The following DMBT1 variants were observed in gnomAD, a reference collection of about 807,000 sequenced individuals.
The protein encoded by DMBT1 is deleted in malignant brain tumors 1.
DMBT1 carries 198 observed loss-of-function variants against 252.9 expected under a neutral mutation model. The observed-to-expected ratio is 0.78, with a 90% CI of 0.70 to 0.88. The LOEUF is 0.88. DMBT1 is among the 40% of genes least tolerant of loss of function. The pLI is 0.00. For missense variants in DMBT1, 2,432 were observed against 2,404.7 expected (o/e 1.01, Z -0.24); for synonymous variants, 990 against 942.7 (o/e 1.05, Z -0.92).
chr10:122,586,373 C>T lies in DMBT1; in HGVS notation c.1773C>T (p.Val591=). ...GTGGCCATAGTGAAGACGCTGGTGT[C>T]ATCTGCTCAGGTGGGCCTCCAAGAC... The part of the protein sequence containing the change: ...HNCGHSEDAG[V]ICSGPESSLA... The change falls in exon 16 of 56, where the codon GTC becomes GTT. Residue 591 remains valine (V), a synonymous_variant. Coordinates refer to ENST00000338354, the MANE Select transcript of DMBT1 (RefSeq NM_001377530.1). 6.3e-7 allele frequency: 1 copy of T among 1,588,586 alleles called. No individual in the cohort carries two copies. Among genetic ancestry groups the T allele is most frequent in the African/African-American group, 1.3e-5 (1 of 74,656 alleles).
intron 16 of DMBT1, 116 bp downstream of exon 16, chr10:122,586,499 C>T (rs906793463): frequency 8.3e-6 from 12 of 1,439,402 alleles, no homozygotes; most frequent in Non-Finnish European, 1.1e-5. Flanking sequence ...ATTTCTGATA[C>T]CTCCTTAGCT....
At chr10:122,568,181 GCCCTTATT>G (rs2097618523) in intron 2 of DMBT1, among the ~76,000 whole-genome samples, 1 of 152,106 alleles carries the variant, frequency 6.6e-6, no homozygotes, top group Admixed American at 6.5e-5. Context: ...CGAATATGAT[GCCCTTATT>G]CCCAGCATGG....
rs2097858870 is a variant in DMBT1 at position 122,592,662 on chromosome 10, A to G, written c.2500+67A>G. 24 of 1,578,178 alleles carry G rather than the reference A, an allele frequency of 1.5e-5. 2 individuals carry two copies. The Middle Eastern group carries it at 1.7e-3, about 110-fold the overall frequency. On this transcript the variant is annotated intron_variant, in intron 20 of 55. Coordinates refer to ENST00000338354, the MANE Select transcript of DMBT1 (RefSeq NM_001377530.1). ...TTTGCTCAGGAAGAAAATCCTAATT[A>G]CATTCTGATCTCCTCACTCAAAGAT...
At chr10:122,634,430 TTCTCTCTCTCTCTCTCTCTCTC>T (rs764559052) in intron 52 of DMBT1, among the ~76,000 whole-genome samples, 929 of 74,122 alleles carry the variant, frequency 0.013, 57 homozygotes, top group African/African-American at 0.039. Context: ...TCTCTCTCTC[TTCTCTCTCTCTCTCTCTCTCTC>T]TCTCTCTCTC....
intron 4 of DMBT1, among the ~76,000 whole-genome samples, chr10:122,571,405 T>C (rs2981796): frequency 0.69 from 104,546 of 152,024 alleles, 36,154 homozygotes; most frequent in East Asian, 0.77. Flanking sequence ...GTGGCAGTTT[T>C]TCCTTTTTTA....
intron 16 of DMBT1, among the ~76,000 whole-genome samples, chr10:122,588,302 G>A (rs2097810675): frequency 6.8e-6 from 1 of 147,876 alleles, no homozygotes; most frequent in East Asian, 2.1e-4. Context: ...GGAAGTTGGA[G>A]TCTCTGGGGA....
intron 7 of DMBT1, 150 bp downstream of exon 7, chr10:122,576,872 G>T: frequency 1.0e-6 from 1 of 986,332 alleles, no homozygotes. Context: ...ATTAAAAAAA[G>T]AAAATCACTT....
At position 122,631,096 on chromosome 10, in the gene DMBT1, G is replaced by A; in HGVS notation, c.6161G>A (p.Arg2054Lys). The change falls in exon 49 of 56, where the codon AGA (arginine) becomes AAA (lysine). Residue 2054 changes from arginine to lysine, a missense_variant. By Grantham distance (26) the Arg-to-Lys change is conservative. Coordinates refer to ENST00000338354, the MANE Select transcript of DMBT1 (RefSeq NM_001377530.1). ...WTIQEAEVVC[R>K]QLGCGRAVSA... ...ATTCAGGAAGCTGAGGTGGTCTGCA[G>A]ACAGCTAGGGTGTGGACGTGCAGTT... 6.2e-7 allele frequency: 1 copy of A among 1,614,012 alleles called. No individual in the cohort carries two copies. The highest frequency in any genetic ancestry group is 8.5e-7 in the Non-Finnish European group (1 of 1,179,892).
chr10:122,579,439 C>G, intron 9 of DMBT1, 139 bp from the exon 10 acceptor site: 18 of 1,533,580 alleles, frequency 1.2e-5, no homozygotes, highest in Non-Finnish European at 1.6e-5. Flanking sequence ...GGTGATGAAG[C>G]CTAGTCTGTG....
At chr10:122,573,441 T>C (rs1446443139) in intron 5 of DMBT1, among the ~76,000 whole-genome samples, 1 of 152,028 alleles carries the variant, frequency 6.6e-6, no homozygotes, top group African/African-American at 2.4e-5. Flanking sequence ...TAGCATGGGG[T>C]TGTGAATGGA....
chr10:122,626,387 A>G (rs966599668), intron 46 of DMBT1, among the ~76,000 whole-genome samples: 4 of 152,194 alleles, frequency 2.6e-5, no homozygotes, highest in African/African-American at 9.7e-5. Flanking sequence ...TATTATACAG[A>G]TATGCCATGA....
At position 122,631,287 on chromosome 10, in the gene DMBT1, G is replaced by C. The variant is rs1375507697; in HGVS notation, c.6346+6G>C. On this transcript the variant is annotated splice_donor_region_variant and intron_variant, in intron 49 of 55. Transcript: ENST00000338354. Reference sequence around the variant, plus strand: ...TGCTGGTGTCATCTGCTCAGGTATGGCCCAATGCCATGGAAGGCCCATTTC... The same window carrying C: ...TGCTGGTGTCATCTGCTCAGGTATGCCCCAATGCCATGGAAGGCCCATTTC... 2 of 1,609,736 alleles carry C rather than the reference G, an allele frequency of 1.2e-6. No homozygotes were observed. The highest frequency in any genetic ancestry group is 3.3e-5 in the Admixed American group (2 of 59,950).
rs2098233849 is a variant in DMBT1 at position 122,637,195 on chromosome 10, T to C, written c.6825T>C (p.Phe2275=). 1 of 1,613,922 alleles carries C rather than the reference T, an allele frequency of 6.2e-7. No individual in the cohort carries two copies. The highest frequency in any genetic ancestry group is 8.5e-7 in the Non-Finnish European group (1 of 1,179,914). Residue 2275 remains phenylalanine (F), a synonymous_variant, in exon 54 of 56, where the codon TTT becomes TTC. Coordinates refer to ENST00000338354, the MANE Select transcript of DMBT1 (RefSeq NM_001377530.1). ...VSRSYLQSLG[F]SASDLVISTW... is the part of the protein sequence containing the mutation. The stretch of plus-strand genomic sequence containing the variant: ...GGAGCTATCTCCAATCCTTGGGCTT[T>C]TCTGCCAGTGACCTTGTCATTTCCA...
At chr10:122,618,767 C>T (rs2098028889) in intron 41 of DMBT1, among the ~76,000 whole-genome samples, 1 of 152,220 alleles carries the variant, frequency 6.6e-6, no homozygotes, top group African/African-American at 2.4e-5. Context: ...AGCTGAGACC[C>T]AGTGAGGAGG....
rs778254589 is a variant in DMBT1 at position 122,588,251 on chromosome 10, T to C, written c.1784-693T>C. On this transcript the variant is annotated intron_variant, in intron 16 of 55. Coordinates refer to ENST00000338354, the MANE Select transcript of DMBT1 (RefSeq NM_001377530.1). ...GAAAATGAGAGGATGAGGGTCAGGG[T>C]GGGTCCCTGTCTTTTTCATATCCCT... Among the ~76,000 whole-genome samples, 40 of 148,068 alleles carry C rather than the reference T, an allele frequency of 2.7e-4. 1 individual carries two copies. The highest frequency in any genetic ancestry group is 1.9e-3 in the Admixed American group (29 of 14,904).
intron 2 of DMBT1, among the ~76,000 whole-genome samples, chr10:122,567,795 A>G (rs537790973): frequency 1.7e-3 from 257 of 152,266 alleles, no homozygotes; most frequent in Non-Finnish European, 2.5e-3. Context: ...CCCTCCCAGG[A>G]GAGGAGGCTG....
chr10:122,592,615 G>C lies in DMBT1; in HGVS notation c.2500+20G>C. The C allele has an allele frequency of 6.3e-7, 1 of 1,588,128 alleles. No individual in the cohort carries two copies. Among genetic ancestry groups the C allele is most frequent in the African/African-American group, 1.3e-5 (1 of 74,638 alleles). ...GCTCAGGTGGGCCTCCAAGACCTTG[G>C]GCTCCCTCTCCTAGACTGGAGTTTG... On this transcript the variant is annotated intron_variant, in intron 20 of 55. Coordinates refer to ENST00000338354, the MANE Select transcript of DMBT1 (RefSeq NM_001377530.1).
rs2097735763 is a variant in DMBT1 at position 122,578,744 on chromosome 10, C to T, written c.664C>T (p.Pro222Ser). 7.5e-6 allele frequency: 12 copies of T among 1,608,806 alleles called. No homozygotes were observed. Among genetic ancestry groups the T allele is most frequent in the African/African-American group, 1.3e-5 (1 of 74,850 alleles). Residue 222 changes from proline (P) to serine (S), a missense_variant, in exon 9 of 56, where the codon CCT becomes TCT. Pro to Ser is a moderately conservative substitution (Grantham distance 74, BLOSUM62 -1). Coordinates refer to ENST00000338354, the MANE Select transcript of DMBT1 (RefSeq NM_001377530.1). The part of the protein sequence containing the change: ...PESWPVRISP[P>S]VPTEGSESSL... ...AAGTTGGCCTGTCAGGATATCACCA[C>T]CTGTACCCACAGAAGGTAAAGAATC...
chr10:122,621,031 T>A, intron 43 of DMBT1, 26 bp from the exon 44 acceptor site: 1 of 1,612,294 alleles, frequency 6.2e-7, no homozygotes, highest in Non-Finnish European at 8.5e-7. Flanking sequence ...TCAGTATGGA[T>A]GAAGGGTTCT....
Sources: gnomAD v4.1 joint callset for allele counts (sites outside exome capture counted in the v4.1 genomes callset) on GRCh38, gnomAD v4.1.1 for gene constraint, MANE v1.5 for transcripts, NCBI Gene and HGNC (gene_info 2026-07-23, HGNC 2026-07-21) for gene names.